The following STX8 variants were observed in gnomAD, a reference collection of about 807,000 sequenced individuals.
The protein encoded by STX8 is syntaxin-8.
In STX8, 23 loss-of-function variants were observed where a neutral mutation model predicts 37.5. That is an observed-to-expected ratio of 0.61 (90% confidence interval 0.44 to 0.87). The LOEUF (loss-of-function observed/expected upper bound fraction) is 0.87, where lower values mean the gene tolerates loss of function less well. Ranked by LOEUF, STX8 falls within the 40% of genes least tolerant of loss-of-function variation. The pLI is 0.00. For missense variants in STX8, 313 were observed against 284.7 expected (o/e 1.10, Z -0.71); for synonymous variants, 115 against 99.1 (o/e 1.16, Z -0.95).
chr17:9,333,589 C>CCA (rs1910034559), intron 7 of STX8, among the ~76,000 whole-genome samples: 1 of 152,134 alleles, frequency 6.6e-6, no homozygotes, highest in African/African-American at 2.4e-5. Flanking sequence ...TGGGGTTTCA[C>CCA]TGTGTTAGCC....
At position 9,471,031 on chromosome 17, in the gene STX8, CTTTTT is replaced by C. The variant is rs757411419; in HGVS notation, c.541+20793_541+20797del. On this transcript the variant is annotated intron_variant, in intron 6 of 7. Transcript: ENST00000306357. ...TACAGGCGTGAGCCACTGCATCCTG[CTTTTT>C]TTTTTTTTTTTTTTTTTTGACAGAG... Among the ~76,000 whole-genome samples, 46 of 33,056 alleles carry C rather than the reference CTTTTT, an allele frequency of 1.4e-3. 1 individual carries two copies. Among genetic ancestry groups the C allele is most frequent in the African/African-American group, 5.0e-3 (45 of 9,062 alleles). 21.7% of individuals were successfully genotyped at this position (33,056 alleles called of 152,430 possible). A position where few individuals can be genotyped will look rare whatever the true frequency, so the allele number is the denominator to read the frequency against.
At chr17:9,536,844 A>G (rs1906078285) in intron 4 of STX8, among the ~76,000 whole-genome samples, 2 of 152,170 alleles carry the variant, frequency 1.3e-5, no homozygotes, top group African/African-American at 4.8e-5. Flanking sequence ...TCTGGTTTCA[A>G]GAGATTCTCC....
chr17:9,560,741 A>G (rs1349367181), intron 2 of STX8, among the ~76,000 whole-genome samples: 1 of 96,500 alleles, frequency 1.0e-5, no homozygotes, highest in Non-Finnish European at 2.4e-5. Context: ...GGCACAGCAC[A>G]GTTTGGTTTT....
intron 7 of STX8, among the ~76,000 whole-genome samples, chr17:9,258,610 T>G (rs1906888967): frequency 6.6e-6 from 1 of 152,238 alleles, no homozygotes; most frequent in Admixed American, 6.5e-5. Context: ...GAATCTATCT[T>G]ACCCCACAGT....
At chr17:9,255,352 C>A (rs1054998544) in intron 7 of STX8, among the ~76,000 whole-genome samples, 1 of 152,006 alleles carries the variant, frequency 6.6e-6, no homozygotes, top group Admixed American at 6.6e-5. Flanking sequence ...CACAGAGAAA[C>A]CACGTCTCTA....
chr17:9,402,231 T>C (rs1293851777), intron 6 of STX8, among the ~76,000 whole-genome samples: 2 of 152,266 alleles, frequency 1.3e-5, no homozygotes, highest in African/African-American at 4.8e-5. Context: ...GCGATTCTCC[T>C]GCCTCAGCCT....
At chr17:9,367,361 T>C (rs115278837) in intron 7 of STX8, among the ~76,000 whole-genome samples, 75 of 152,202 alleles carry the variant, frequency 4.9e-4, no homozygotes, top group African/African-American at 1.7e-3. Flanking sequence ...GTTCAGCAAC[T>C]CTGGCCTCAC....
intron 4 of STX8, among the ~76,000 whole-genome samples, chr17:9,529,359 A>G (rs934845487): frequency 3.9e-5 from 6 of 152,220 alleles, no homozygotes; most frequent in African/African-American, 1.4e-4. Context: ...AAATATAACC[A>G]TATCTACTCA....
intron 7 of STX8, among the ~76,000 whole-genome samples, chr17:9,288,485 C>A (rs1443013109): frequency 6.6e-6 from 1 of 151,678 alleles, no homozygotes; most frequent in Non-Finnish European, 1.5e-5. Flanking sequence ...CGCGGTGAAA[C>A]CCCGTCTCTA....
At chr17:9,254,853 ATGTG>A (rs759718609) in intron 7 of STX8, among the ~76,000 whole-genome samples, 1 of 151,702 alleles carries the variant, frequency 6.6e-6, no homozygotes, top group Non-Finnish European at 1.5e-5. Flanking sequence ...ACGTGTGTGC[ATGTG>A]TGTGTGTGTG....
At chr17:9,521,077 T>G (rs1262602004) in intron 4 of STX8, among the ~76,000 whole-genome samples, 2 of 152,224 alleles carry the variant, frequency 1.3e-5, no homozygotes, top group African/African-American at 4.8e-5. Context: ...AGTTCCTTTC[T>G]GTGAATATAA....
intron 7 of STX8, among the ~76,000 whole-genome samples, chr17:9,274,748 T>TC (rs1567763859): frequency 7.9e-6 from 1 of 125,982 alleles, no homozygotes; most frequent in Non-Finnish European, 1.8e-5. Context: ...CAATTTCTTT[T>TC]TTCTTTTTTT....
chr17:9,556,030 G>A (rs1808006537), intron 3 of STX8, among the ~76,000 whole-genome samples: 1 of 152,134 alleles, frequency 6.6e-6, no homozygotes, highest in Admixed American at 6.6e-5. Context: ...GGAAGGTAAA[G>A]TATCTCAGAA....
At chr17:9,550,620 A>G (rs768655926) in intron 3 of STX8, among the ~76,000 whole-genome samples, 2 of 152,154 alleles carry the variant, frequency 1.3e-5, no homozygotes, top group African/African-American at 4.8e-5. Flanking sequence ...TCCTGATTTC[A>G]TATTACTGAT....
Position 9,358,213 on chromosome 17 carries a change from G to A in STX8, c.643+20339C>T, listed in dbSNP as rs1431496991. ...ACCAAAAAAACAAACAAAAAAATTA[G>A]CTGGGCATGGTGGTGCACACCTGTA... On this transcript the variant is annotated intron_variant, in intron 7 of 7. Coordinates refer to ENST00000306357, the MANE Select transcript of STX8 (RefSeq NM_004853.3). 2.0e-5 allele frequency among the ~76,000 whole-genome samples: 3 copies of A among 152,110 alleles called. No individual in the cohort carries two copies. The East Asian group carries it at 5.8e-4, about 29-fold the overall frequency.
chr17:9,431,848 A>T (rs962720646), intron 6 of STX8, among the ~76,000 whole-genome samples: 5 of 151,692 alleles, frequency 3.3e-5, no homozygotes, highest in Non-Finnish European at 7.4e-5. Flanking sequence ...TTTCCCAGAA[A>T]CCTCCCTTCC....
chr17:9,381,955 C>A (rs981589820), intron 6 of STX8, among the ~76,000 whole-genome samples: 3 of 151,676 alleles, frequency 2.0e-5, no homozygotes, highest in Admixed American at 2.0e-4. Context: ...GGTGACAGAG[C>A]AAGACTCTGT....
At position 9,542,266 on chromosome 17, in the gene STX8, G is replaced by A. The variant is rs563067393; in HGVS notation, c.323+2906C>T. 1.2e-4 allele frequency among the ~76,000 whole-genome samples: 18 copies of A among 152,242 alleles called. No homozygotes were observed. The East Asian group carries it at 3.1e-3, about 26-fold the overall frequency. On this transcript the variant is annotated intron_variant, in intron 4 of 7. Transcript: ENST00000306357. ...CCAGCTACTCGGGAGGCTGAGGCAGGAGAATCACTTGAACTCGGGAGGCGG... is the reference window on the plus strand; with the variant it reads ...CCAGCTACTCGGGAGGCTGAGGCAGAAGAATCACTTGAACTCGGGAGGCGG...
intron 6 of STX8, among the ~76,000 whole-genome samples, chr17:9,380,254 G>GTTTTTTTTT (rs34806016): frequency 1.1e-5 from 1 of 89,446 alleles, no homozygotes; most frequent in Non-Finnish European, 2.2e-5. Context: ...ATTTCTGTGT[G>GTTTTTTTTT]TTTTTTTTTT....
Sources: gnomAD v4.1 joint callset for allele counts (sites outside exome capture counted in the v4.1 genomes callset) on GRCh38, gnomAD v4.1.1 for gene constraint, MANE v1.5 for transcripts, NCBI Gene and HGNC (gene_info 2026-07-23, HGNC 2026-07-21) for gene names.